MAGI1: variants seen among roughly 807,000 people sequenced by gnomAD.
MAGI1 encodes membrane associated guanylate kinase, WW and PDZ domain containing 1, also known as membrane-associated guanylate kinase, WW and PDZ domain-containing protein 1.
In MAGI1, 58 loss-of-function variants were observed where a neutral mutation model predicts 139.9. The observed-to-expected ratio is 0.41, with a 90% CI of 0.34 to 0.52. MAGI1 has a LOEUF of 0.52. Ranked by LOEUF, MAGI1 falls within the 20% of genes least tolerant of loss-of-function variation. MAGI1 has a pLI of 0.12. For synonymous variants in MAGI1, 812 were observed against 737.9 expected (o/e 1.10, Z -1.63); for missense variants, 1,874 against 1,901.6 (o/e 0.99, Z 0.27).
intron 1 of MAGI1, among the ~76,000 whole-genome samples, chr3:65,841,854 T>C (rs1279228324): frequency 6.6e-6 from 1 of 152,144 alleles, no homozygotes; most frequent in Non-Finnish European, 1.5e-5. Flanking sequence ...TCCCGAAATT[T>C]AGAGAATAAA....
rs187678144 is a variant in MAGI1, at chr3:65,465,290, T to C, written c.959+4993A>G. On this transcript the variant is annotated intron_variant, in intron 5 of 22. Coordinates refer to ENST00000402939, the MANE Select transcript of MAGI1 (RefSeq NM_001033057.2). The stretch of plus-strand genomic sequence containing the variant: ...TGAAGAAAAGTATTTTATTTATCTA[T>C]AGTTTTACTTTCTCCATTCTTCTCT... Among the ~76,000 whole-genome samples, 368 of 151,398 alleles carry C rather than the reference T, an allele frequency of 2.4e-3. 1 individual carries two copies. Among genetic ancestry groups the C allele is most frequent in the Non-Finnish European group, 3.5e-3 (235 of 67,798 alleles).
intron 1 of MAGI1, among the ~76,000 whole-genome samples, chr3:65,833,675 G>A (rs1575644878): frequency 6.6e-6 from 1 of 152,104 alleles, no homozygotes; most frequent in South Asian, 2.1e-4. Context: ...TGAGATTTTT[G>A]TTGTGTTATT....
At chr3:65,406,075 G>A (rs1175806173) in intron 12 of MAGI1, among the ~76,000 whole-genome samples, 2 of 152,060 alleles carry the variant, frequency 1.3e-5, no homozygotes, top group East Asian at 1.9e-4. Context: ...ACATTTTGTT[G>A]CATTTTAAAA....
At chr3:65,393,088 T>A (rs1014223958) in intron 13 of MAGI1, among the ~76,000 whole-genome samples, 11 of 152,230 alleles carry the variant, frequency 7.2e-5, no homozygotes, top group Non-Finnish European at 1.5e-5. Context: ...GAGGATCAAG[T>A]GCTCAGCTCA....
rs1022086909 is a variant in MAGI1 at position 65,994,061 on chromosome 3, G to A, written c.313+43935C>T. On this transcript the variant is annotated intron_variant, in intron 1 of 22. Coordinates refer to ENST00000402939, the MANE Select transcript of MAGI1 (RefSeq NM_001033057.2). The stretch of plus-strand genomic sequence containing the variant: ...GGCAGGGATGGGCAGATCACTAAAG[G>A]TCTGGAGTTCGAGACCAGCCTGGCC... 8.6e-5 allele frequency among the ~76,000 whole-genome samples: 13 copies of A among 152,038 alleles called. 1 individual carries two copies. Among genetic ancestry groups the A allele is most frequent in the Admixed American group, 8.5e-4 (13 of 15,254 alleles).
At chr3:65,367,767 G>A (rs1941575702) in intron 18 of MAGI1, among the ~76,000 whole-genome samples, 1 of 152,126 alleles carries the variant, frequency 6.6e-6, no homozygotes. Context: ...TTAGTTTTTG[G>A]TTTACGTAGG....
chr3:65,920,158 G>A (rs1450525087), intron 1 of MAGI1, among the ~76,000 whole-genome samples: 1 of 152,024 alleles, frequency 6.6e-6, no homozygotes, highest in Non-Finnish European at 1.5e-5. Context: ...ATCCTTTAGG[G>A]CCCACACAGA....
At chr3:65,829,492 C>T (rs1032729980) in intron 1 of MAGI1, among the ~76,000 whole-genome samples, 1 of 152,168 alleles carries the variant, frequency 6.6e-6, no homozygotes, top group Non-Finnish European at 1.5e-5. Flanking sequence ...CAGGAAGGCA[C>T]AATCTATGAC....
intron 1 of MAGI1, among the ~76,000 whole-genome samples, chr3:65,869,692 G>A (rs949894899): frequency 4.6e-5 from 7 of 152,136 alleles, no homozygotes; most frequent in South Asian, 2.1e-4. Context: ...GAGCCACCGC[G>A]CCCAGCCAAG....
At chr3:65,927,389 C>T (rs2062578005) in intron 1 of MAGI1, among the ~76,000 whole-genome samples, 1 of 152,140 alleles carries the variant, frequency 6.6e-6, no homozygotes. Flanking sequence ...ACCACATAAT[C>T]ACGCCCACTG....
chr3:65,891,613 C>A (rs1046936984), intron 1 of MAGI1, among the ~76,000 whole-genome samples: 2 of 151,280 alleles, frequency 1.3e-5, no homozygotes, highest in Non-Finnish European at 2.9e-5. Flanking sequence ...CACAATATAA[C>A]CAAGGGTGAC....
intron 1 of MAGI1, among the ~76,000 whole-genome samples, chr3:65,938,635 GT>G (rs1258314100): frequency 1.3e-5 from 2 of 152,146 alleles, no homozygotes; most frequent in African/African-American, 4.8e-5. Context: ...TTAAAATAAA[GT>G]ATCAAGCATG....
rs112907530 is a variant in MAGI1, at chr3:65,395,871, G to T, written c.2200-4513C>A. ...AGCCAACATGTTTCCAGAAAGTTTG[G>T]TGTCGCTACTGGGTGGTGAATGGAT... is the stretch of plus-strand genomic sequence containing the variant. On this transcript the variant is annotated intron_variant, in intron 13 of 22. Coordinates refer to ENST00000402939, the MANE Select transcript of MAGI1 (RefSeq NM_001033057.2). 1.7e-3 allele frequency among the ~76,000 whole-genome samples: 256 copies of T among 151,986 alleles called. 2 individuals carry two copies. Among genetic ancestry groups the T allele is most frequent in the African/African-American group, 6.1e-3 (252 of 41,470 alleles).
intron 1 of MAGI1, among the ~76,000 whole-genome samples, chr3:65,836,419 G>C (rs1213639613): frequency 6.6e-6 from 1 of 152,174 alleles, no homozygotes; most frequent in African/African-American, 2.4e-5. Context: ...AGGACTAGTG[G>C]CTTAGTGATA....
chr3:65,817,177 T>A (rs2108230652), intron 1 of MAGI1, among the ~76,000 whole-genome samples: 1 of 152,348 alleles, frequency 6.6e-6, no homozygotes, highest in African/African-American at 2.4e-5. Flanking sequence ...CATATGTCAA[T>A]GGACTAATTC....
intron 1 of MAGI1, among the ~76,000 whole-genome samples, chr3:65,743,417 A>G (rs1011327932): frequency 6.6e-6 from 1 of 152,198 alleles, no homozygotes; most frequent in Non-Finnish European, 1.5e-5. Context: ...CCAGTATTTA[A>G]AATATCTAGG....
At chr3:65,856,772 T>C (rs6777012) in intron 1 of MAGI1, among the ~76,000 whole-genome samples, 32,912 of 152,062 alleles carry the variant, frequency 0.22, 4,037 homozygotes, top group Middle Eastern at 0.31. Context: ...GTCTTAACCC[T>C]CTCTGCAAAA....
At chr3:65,896,751 A>G (rs2060986251) in intron 1 of MAGI1, among the ~76,000 whole-genome samples, 1 of 152,222 alleles carries the variant, frequency 6.6e-6, no homozygotes, top group South Asian at 2.1e-4. Flanking sequence ...ATACAATGAA[A>G]TACTAAGTAA....
In MAGI1 at chr3:65,530,659, GTGTA is replaced by G. The variant is rs1270722186; in HGVS notation, c.431-37032_431-37029del. On this transcript the variant is annotated intron_variant, in intron 2 of 22. Coordinates refer to ENST00000402939, the MANE Select transcript of MAGI1 (RefSeq NM_001033057.2). ...TGTGTGTGTGTGTGTGTGTGTGTGT[GTGTA>G]TATATATATACATATATATATACGT... Among the ~76,000 whole-genome samples the G allele has an allele frequency of 1.1e-3, 92 of 81,184 alleles. 1 individual carries two copies. Among genetic ancestry groups the G allele is most frequent in the East Asian group, 0.011 (30 of 2,780 alleles). 53.3% of individuals were successfully genotyped at this position (81,184 alleles called of 152,430 possible).
Sources: gnomAD v4.1 joint callset for allele counts (sites outside exome capture counted in the v4.1 genomes callset) on GRCh38, gnomAD v4.1.1 for gene constraint, MANE v1.5 for transcripts, NCBI Gene and HGNC (gene_info 2026-07-23, HGNC 2026-07-21) for gene names.